Variants in ZFHX3 observed in about 807,000 individuals in gnomAD.
ZFHX3 encodes zinc finger homeobox 3.
Under a neutral mutation model 279.1 loss-of-function variants are expected in ZFHX3, and 42 were observed. That is an observed-to-expected ratio of 0.15 (90% CI 0.12 to 0.19). ZFHX3 has a LOEUF of 0.19. Among genes scored for constraint, ZFHX3 ranks in the 10% least tolerant of loss-of-function variants. The pLI is 1.00. For synonymous variants in ZFHX3, 2,293 were observed against 1,957.8 expected, an observed-to-expected ratio of 1.17 and a Z score of -4.52; for missense variants, 4,981 against 4,754.0, an observed-to-expected ratio of 1.05 and a Z score of -1.40.
At chr16:73,795,702 AC>A (rs1196823786) in intron 1 of ZFHX3, among the ~76,000 whole-genome samples, 2 of 152,196 alleles carry the variant, frequency 1.3e-5, no homozygotes, top group Non-Finnish European at 2.9e-5. Flanking sequence ...CCCTGATTTG[AC>A]ATTGATCATC....
intron 2 of ZFHX3, among the ~76,000 whole-genome samples, chr16:73,639,123 T>C (rs2052552270): frequency 6.6e-6 from 1 of 152,188 alleles, no homozygotes; most frequent in South Asian, 2.1e-4. Flanking sequence ...AACATTATTT[T>C]GTTTCTTTTA....
intron 2 of ZFHX3, among the ~76,000 whole-genome samples, chr16:73,521,754 T>C (rs1160062916): frequency 6.6e-6 from 1 of 152,104 alleles, no homozygotes; most frequent in East Asian, 1.9e-4. Flanking sequence ...TTTATTAAAA[T>C]GAATTTTAGT....
chr16:73,336,308 G>A (rs1306307674), intron 3 of ZFHX3, among the ~76,000 whole-genome samples: 1 of 152,016 alleles, frequency 6.6e-6, no homozygotes, highest in African/African-American at 2.4e-5. Flanking sequence ...CTGTGTCACG[G>A]GGGTTTGGTG....
At chr16:73,718,850 G>T (rs1356335418) in intron 1 of ZFHX3, among the ~76,000 whole-genome samples, 2 of 152,088 alleles carry the variant, frequency 1.3e-5, no homozygotes, top group South Asian at 4.2e-4. Context: ...TCCTGACCTC[G>T]TGATCTGCCC....
At chr16:72,847,394 G>A (rs1479537024) in intron 4 of ZFHX3, among the ~76,000 whole-genome samples, 1 of 152,130 alleles carries the variant, frequency 6.6e-6, no homozygotes, top group Non-Finnish European at 1.5e-5. Flanking sequence ...AGGCAGCTAG[G>A]TGCAGGCAGG....
chr16:73,155,941 T>C (rs1967070224), intron 5 of ZFHX3, among the ~76,000 whole-genome samples: 1 of 152,002 alleles, frequency 6.6e-6, no homozygotes, highest in Admixed American at 6.6e-5. Context: ...TGTAAGAATA[T>C]ATATAAAGTG....
chr16:73,626,348 T>C (rs1309029712), intron 2 of ZFHX3, among the ~76,000 whole-genome samples: 1 of 152,082 alleles, frequency 6.6e-6, no homozygotes, highest in African/African-American at 2.4e-5. Flanking sequence ...TTTGGTTTCC[T>C]TGAATCCATG....
chr16:73,619,500 TTATATA>T (rs1555528593), intron 2 of ZFHX3, among the ~76,000 whole-genome samples: 2 of 131,748 alleles, frequency 1.5e-5, no homozygotes, highest in African/African-American at 6.0e-5. Context: ...AAAAAAAAAA[TTATATA>T]TATATATATA....
intron 8 of ZFHX3, chr16:73,093,197 C>A (rs1210233239): frequency 3.8e-6 from 2 of 519,962 alleles, no homozygotes; most frequent in South Asian, 2.8e-5. Context: ...TCTGGACGAC[C>A]ACGCGCATGC....
At chr16:73,737,647 C>T (rs1379709582) in intron 1 of ZFHX3, among the ~76,000 whole-genome samples, 3 of 151,996 alleles carry the variant, frequency 2.0e-5, no homozygotes, top group Non-Finnish European at 4.4e-5. Flanking sequence ...TCTACCTGCC[C>T]CATTTTAGTC....
intron 1 of ZFHX3, among the ~76,000 whole-genome samples, chr16:73,834,908 C>T (rs1567425263): frequency 1.8e-5 from 1 of 55,392 alleles, no homozygotes; most frequent in Admixed American, 2.0e-4. Flanking sequence ...AGAAGCGTCT[C>T]CCCCCGTGGG....
intron 1 of ZFHX3, among the ~76,000 whole-genome samples, chr16:73,771,035 G>A (rs944220784): frequency 2.0e-5 from 3 of 152,086 alleles, no homozygotes; most frequent in African/African-American, 7.2e-5. Flanking sequence ...CACATCTCTG[G>A]GCTTTGGTTT....
chr16:73,035,645 G>A (rs1964871728), intron 1 of ZFHX3, among the ~76,000 whole-genome samples: 1 of 152,216 alleles, frequency 6.6e-6, no homozygotes, highest in Non-Finnish European at 1.5e-5. Context: ...TAGCACTTTG[G>A]GAGGCCGAGG....
chr16:73,887,902 A>G (rs1237798381), intron 1 of ZFHX3, among the ~76,000 whole-genome samples: 2 of 152,274 alleles, frequency 1.3e-5, no homozygotes, highest in East Asian at 3.9e-4. Flanking sequence ...ATGATGAGCA[A>G]ATTTCAAGAG....
At chr16:72,928,975 T>C (rs74958639) in intron 3 of ZFHX3, among the ~76,000 whole-genome samples, 1 of 151,804 alleles carries the variant, frequency 6.6e-6, no homozygotes, top group Non-Finnish European at 1.5e-5. Context: ...CGGGAGCTCA[T>C]GCCTATAACC....
At chr16:73,747,435 C>A (rs1412624942) in intron 1 of ZFHX3, among the ~76,000 whole-genome samples, 2 of 152,072 alleles carry the variant, frequency 1.3e-5, no homozygotes, top group Non-Finnish European at 2.9e-5. Context: ...ACTGCCTACC[C>A]AGAAACATTT....
intron 2 of ZFHX3, among the ~76,000 whole-genome samples, chr16:73,671,956 T>C (rs766230797): frequency 6.9e-4 from 105 of 151,650 alleles, no homozygotes; most frequent in Non-Finnish European, 1.1e-3. Flanking sequence ...CATTGAAGAG[T>C]GTCATCTTTC....
At chr16:73,073,382 G>A (rs1007400498) in intron 8 of ZFHX3, among the ~76,000 whole-genome samples, 1 of 152,196 alleles carries the variant, frequency 6.6e-6, no homozygotes, top group Admixed American at 6.5e-5. Flanking sequence ...AGGATCAACA[G>A]GATCTAAATC....
intron 1 of ZFHX3, among the ~76,000 whole-genome samples, chr16:73,693,704 T>C (rs920369383): frequency 1.3e-5 from 2 of 152,174 alleles, no homozygotes; most frequent in African/African-American, 4.8e-5. Flanking sequence ...CAAATCAATG[T>C]AAACAGTCCC....
Sources: allele counts gnomAD v4.1 joint callset (sites outside exome capture counted in the v4.1 genomes callset), GRCh38; gene constraint gnomAD v4.1.1; transcripts MANE v1.5; gene names NCBI Gene and HGNC (gene_info 2026-07-23, HGNC 2026-07-21).